The following SND1 variants were observed in gnomAD, a reference collection of about 807,000 sequenced individuals.
SND1 encodes staphylococcal nuclease domain-containing protein 1.
Under a neutral mutation model 121.7 loss-of-function variants are expected in SND1, and 38 were observed. That is an observed-to-expected ratio of 0.31 (90% CI 0.24 to 0.41). The LOEUF is 0.41. SND1 is among the 10% of genes least tolerant of loss of function. SND1 has a pLI of 1.00. For missense variants in SND1, 868 were observed against 1,184.6 expected, an observed-to-expected ratio of 0.73 and a Z score of 3.92; for synonymous variants, 401 against 447.4, an observed-to-expected ratio of 0.90 and a Z score of 1.31.
At chr7:128,074,069 C>T (rs1022524250) in intron 16 of SND1, among the ~76,000 whole-genome samples, 3 of 152,180 alleles carry the variant, frequency 2.0e-5, no homozygotes, top group Non-Finnish European at 4.4e-5. Context: ...CGAATTCATT[C>T]AGCTCTACCA....
At position 127,692,019 on chromosome 7, in the gene SND1, G is replaced by A. The variant is rs368383999; in HGVS notation, c.229-2809G>A. Among the ~76,000 whole-genome samples, 31 of 152,260 alleles carry A rather than the reference G, an allele frequency of 2.0e-4. No homozygotes were observed. In the South Asian group the frequency reaches 6.0e-3, roughly 30 times the overall value. ...CATTCATTGGAGCTGTTGAGGACTG[G>A]GGTAGCTGGGGAAAGACGGCAGAGC... On this transcript the variant is annotated intron_variant, in intron 2 of 23. Transcript: ENST00000354725.
At chr7:127,944,600 G>A (rs1244555206) in intron 15 of SND1, among the ~76,000 whole-genome samples, 1 of 152,122 alleles carries the variant, frequency 6.6e-6, no homozygotes, top group Non-Finnish European at 1.5e-5. Flanking sequence ...TCTTGGGGCA[G>A]GAATTTCATG....
chr7:127,664,163 G>T (rs2116243385), intron 1 of SND1, among the ~76,000 whole-genome samples: 1 of 152,132 alleles, frequency 6.6e-6, no homozygotes. Flanking sequence ...TTTTGTAGAG[G>T]CGGGGTCTCT....
At chr7:127,831,399 G>A (rs1798736105) in intron 11 of SND1, among the ~76,000 whole-genome samples, 1 of 152,232 alleles carries the variant, frequency 6.6e-6, no homozygotes, top group African/African-American at 2.4e-5. Context: ...GATTGTCAGT[G>A]ATCAGCATGC....
At chr7:127,793,998 A>G (rs950674086) in intron 10 of SND1, among the ~76,000 whole-genome samples, 26 of 152,266 alleles carry the variant, frequency 1.7e-4, no homozygotes, top group Middle Eastern at 6.8e-3. Flanking sequence ...CTGCATCTAC[A>G]TGTCTGTGCT....
intron 12 of SND1, among the ~76,000 whole-genome samples, chr7:127,868,945 G>C (rs1473594931): frequency 6.6e-6 from 1 of 152,112 alleles, no homozygotes. Context: ...ACTGGGGATA[G>C]ATCAGTGCAT....
At chr7:127,882,309 C>T (rs1799806315) in intron 12 of SND1, among the ~76,000 whole-genome samples, 2 of 149,046 alleles carry the variant, frequency 1.3e-5, no homozygotes, top group South Asian at 4.3e-4. Flanking sequence ...GGCATATGTG[C>T]TCAGAGGGGT....
At position 127,753,089 on chromosome 7, in the gene SND1, C is replaced by T. The variant is rs774951318; in HGVS notation, c.1152+31689C>T. 7.2e-5 allele frequency among the ~76,000 whole-genome samples: 11 copies of T among 152,150 alleles called. No homozygotes were observed. The South Asian group carries it at 8.3e-4, about 11-fold the overall frequency. On this transcript the variant is annotated intron_variant, in intron 10 of 23. Coordinates refer to ENST00000354725, the MANE Select transcript of SND1 (RefSeq NM_014390.4). ...TGGCCCAGTGATCTTAACTCACTCC[C>T]AGTTTTTTAGGGACAAATAGTGTCC...
intron 10 of SND1, among the ~76,000 whole-genome samples, chr7:127,791,141 C>CTTTTTT (rs66878881): frequency 3.6e-5 from 4 of 110,852 alleles, no homozygotes; most frequent in African/African-American, 6.8e-5. Flanking sequence ...TTTACCTCTC[C>CTTTTTT]TTTTTTTTTT....
intron 16 of SND1, among the ~76,000 whole-genome samples, chr7:128,067,872 C>G (rs1411345147): frequency 6.6e-6 from 1 of 150,404 alleles, no homozygotes; most frequent in Non-Finnish European, 1.5e-5. Context: ...TTTGGGTGCC[C>G]TGAGTCATCA....
At chr7:127,667,018 T>C (rs964215224) in intron 1 of SND1, among the ~76,000 whole-genome samples, 7 of 152,198 alleles carry the variant, frequency 4.6e-5, no homozygotes, top group African/African-American at 1.7e-4. Flanking sequence ...TGATTTGCAC[T>C]TTATTTTGAC....
chr7:127,885,913 CCCCAGCCTT>C (rs1237317403), intron 12 of SND1, among the ~76,000 whole-genome samples: 4 of 152,098 alleles, frequency 2.6e-5, no homozygotes, highest in African/African-American at 7.2e-5. Context: ...CCATGCCACT[CCCCAGCCTT>C]CTTACTAGCT....
intron 15 of SND1, among the ~76,000 whole-genome samples, chr7:127,967,577 G>A (rs182982291): frequency 2.4e-4 from 37 of 152,264 alleles, no homozygotes; most frequent in Admixed American, 4.6e-4. Context: ...GGAGATGCAA[G>A]CCTTTTCTTC....
intron 11 of SND1, among the ~76,000 whole-genome samples, chr7:127,830,817 G>C (rs2116623271): frequency 6.6e-6 from 1 of 152,202 alleles, no homozygotes; most frequent in African/African-American, 2.4e-5. Context: ...TCAGAAACTA[G>C]CTCCTAGTTT....
chr7:127,858,535 C>A, intron 12 of SND1: 1 of 449,072 alleles, frequency 2.2e-6, no homozygotes, highest in South Asian at 2.6e-5. Context: ...CAGTGCAGAT[C>A]TAAAGCAGCT....
intron 16 of SND1, among the ~76,000 whole-genome samples, chr7:128,055,341 C>G (rs996686581): frequency 6.6e-6 from 1 of 152,158 alleles, no homozygotes; most frequent in African/African-American, 2.4e-5. Context: ...TCTAAAGGAG[C>G]CCCTGTAGCT....
intron 16 of SND1, among the ~76,000 whole-genome samples, chr7:128,047,047 T>A (rs1439497600): frequency 3.3e-5 from 5 of 152,220 alleles, no homozygotes; most frequent in Non-Finnish European, 4.4e-5. Context: ...TTTTCATAAT[T>A]TTCACTATAA....
At chr7:127,875,592 C>A (rs1467798500) in intron 12 of SND1, among the ~76,000 whole-genome samples, 1 of 152,124 alleles carries the variant, frequency 6.6e-6, no homozygotes, top group Non-Finnish European at 1.5e-5. Flanking sequence ...AATCAGAAAA[C>A]CTGGCTTCTA....
At chr7:128,049,886 A>G (rs1793017729) in intron 16 of SND1, among the ~76,000 whole-genome samples, 1 of 152,172 alleles carries the variant, frequency 6.6e-6, no homozygotes, top group African/African-American at 2.4e-5. Flanking sequence ...TTCTGAGCTA[A>G]TGTCTTAGAA....
Sources: allele counts gnomAD v4.1 joint callset (sites outside exome capture counted in the v4.1 genomes callset), GRCh38; gene constraint gnomAD v4.1.1; transcripts MANE v1.5; gene names NCBI Gene and HGNC (gene_info 2026-07-23, HGNC 2026-07-21).